Variants in INPP5D observed in about 807,000 individuals in gnomAD.
INPP5D encodes inositol polyphosphate-5-phosphatase D, also known as phosphatidylinositol 3,4,5-trisphosphate 5-phosphatase 1.
Under a neutral mutation model 122.9 loss-of-function variants are expected in INPP5D, and 33 were observed. The ratio of observed to expected loss-of-function variants is 0.27; its 90% confidence interval spans 0.20 to 0.36. The LOEUF (loss-of-function observed/expected upper bound fraction) is 0.36, where lower values mean the gene tolerates loss of function less well. INPP5D is among the 10% of genes least tolerant of loss of function. INPP5D has a pLI of 1.00. For missense variants in INPP5D, 1,053 were observed against 1,412.7 expected (o/e 0.75, Z 4.08); for synonymous variants, 584 against 576.2 (o/e 1.01, Z -0.19).
At chr2:233,155,253 T>C (rs1463413603) in intron 9 of INPP5D, among the ~76,000 whole-genome samples, 1 of 152,024 alleles carries the variant, frequency 6.6e-6, no homozygotes, top group East Asian at 1.9e-4. Context: ...AGATACAGTT[T>C]AGAAAAGCTC....
rs1313486596 is a variant in INPP5D, at chr2:233,195,467, C to G, written c.2665C>G (p.Pro889Ala). Residue 889 changes from proline (P) to alanine (A), a missense_variant, in exon 24 of 27, where the codon CCC becomes GCC. Pro to Ala is a conservative substitution (Grantham distance 27). Around this residue, in one of 6 missense-constraint regions of INPP5D, gnomAD observed 417 missense variants for 425.8 expected, o/e 0.98. Coordinates refer to ENST00000445964, the MANE Select transcript of INPP5D (RefSeq NM_001017915.3). ...KTLKSLTSHDPMKQWEVTSRA... is the reference protein window; with the variant it reads ...KTLKSLTSHDAMKQWEVTSRA... ...CCTGAAGAGCCTCACCAGCCACGACCCCATGAAGCAGTGGGAAGTCACTAG... is the reference window on the plus strand; with the variant it reads ...CCTGAAGAGCCTCACCAGCCACGACGCCATGAAGCAGTGGGAAGTCACTAG... 1.2e-6 allele frequency: 2 copies of G among 1,613,754 alleles called. No individual in the cohort carries two copies. The highest frequency in any genetic ancestry group is 2.2e-5 in the East Asian group (1 of 44,888).
intron 1 of INPP5D, among the ~76,000 whole-genome samples, chr2:233,064,668 T>A (rs1254538214): frequency 6.6e-6 from 1 of 152,182 alleles, no homozygotes; most frequent in Non-Finnish European, 1.5e-5. Context: ...GGGCCAGGAT[T>A]GCATGCATGA....
At position 233,078,080 on chromosome 2, in the gene INPP5D, G is replaced by A. The variant is rs1691573353; in HGVS notation, c.135-1255G>A. ...GCAAAATGGGGCAAGATTATGGTGG[G>A]TGAGAACAGACCAGCAGCTTTAAGT... On this transcript the variant is annotated intron_variant, in intron 1 of 26. Transcript: ENST00000445964. The surrounding 1 kb of genome is among the most constrained non-coding windows in gnomAD (Gnocchi z 4.6). 6.6e-6 allele frequency among the ~76,000 whole-genome samples: 1 copy of A among 152,134 alleles called. No homozygotes were observed. The highest frequency in any genetic ancestry group is 1.5e-5 in the Non-Finnish European group (1 of 68,020).
chr2:233,173,527 A>C (rs2106305364), intron 17 of INPP5D, among the ~76,000 whole-genome samples: 1 of 152,312 alleles, frequency 6.6e-6, no homozygotes, highest in East Asian at 1.9e-4. Context: ...AAATACAAAC[A>C]CATTGTACAG....
At chr2:233,190,021 C>A in intron 22 of INPP5D, 84 bp downstream of exon 22, 2 of 1,549,044 alleles carry the variant, frequency 1.3e-6, no homozygotes, top group Non-Finnish European at 8.7e-7. Flanking sequence ...GCTCACCTGG[C>A]ACTTCCGGTC....
chr2:233,190,037 C>T, intron 22 of INPP5D, 100 bp downstream of exon 22: 1 of 1,503,072 alleles, frequency 6.7e-7, no homozygotes, highest in Non-Finnish European at 8.9e-7. Flanking sequence ...CGGTCATAGG[C>T]TCCTGCCTCT....
At chr2:233,172,897 G>A (rs1694525966) in intron 17 of INPP5D, among the ~76,000 whole-genome samples, 1 of 152,156 alleles carries the variant, frequency 6.6e-6, no homozygotes, top group Non-Finnish European at 1.5e-5. Flanking sequence ...AAAAGGTACA[G>A]TAAAAATATG....
intron 2 of INPP5D, among the ~76,000 whole-genome samples, chr2:233,109,909 G>C (rs1422990713): frequency 1.3e-5 from 2 of 151,744 alleles, no homozygotes; most frequent in African/African-American, 4.8e-5. Flanking sequence ...TTTTGAGACA[G>C]GGTCTCATTC....
chr2:233,196,697 G>A (rs748203751), intron 24 of INPP5D, among the ~76,000 whole-genome samples: 5 of 152,152 alleles, frequency 3.3e-5, no homozygotes, highest in African/African-American at 4.8e-5. Context: ...CTAACTCACC[G>A]ATGTGGTCTC....
At chr2:233,171,183 C>CCTCCAT in intron 17 of INPP5D, 31 bp downstream of exon 17, 1 of 1,610,182 alleles carries the variant, frequency 6.2e-7, no homozygotes, top group South Asian at 1.1e-5. Flanking sequence ...CCTTCCCTGC[C>CCTCCAT]CTCCATCTCC....
At chr2:233,095,485 T>G (rs1692110608) in intron 2 of INPP5D, among the ~76,000 whole-genome samples, 1 of 151,440 alleles carries the variant, frequency 6.6e-6, no homozygotes, top group Non-Finnish European at 1.5e-5. Flanking sequence ...CTGGAGGGGG[T>G]GGTGGTGGGC....
intron 9 of INPP5D, among the ~76,000 whole-genome samples, chr2:233,156,439 G>A (rs567834780): frequency 1.2e-4 from 18 of 152,296 alleles, no homozygotes; most frequent in Admixed American, 9.1e-4. Flanking sequence ...ACAGGTGCCC[G>A]CCACCACGCC....
In INPP5D at chr2:233,177,144, A is replaced by G. The variant is rs963877818; in HGVS notation, c.1990-121A>G. On this transcript the variant is annotated intron_variant, in intron 17 of 26. Coordinates refer to ENST00000445964, the MANE Select transcript of INPP5D (RefSeq NM_001017915.3). This position sits in a 1 kb window ranked among gnomAD's most constrained non-coding sequence, Gnocchi z 4.2. ...TTAAAGCCACCTACAGGGAAATTCT[A>G]TAAAAAGCCAACAGCCGATGAATTT... The G allele has an allele frequency of 7.3e-6, 10 of 1,368,274 alleles. No homozygotes were observed. The African/African-American group carries it at 1.0e-4, about 14-fold the overall frequency. 84.8% of individuals were successfully genotyped at this position (1,368,274 alleles called of 1,614,324 possible). A position where few individuals can be genotyped will look rare whatever the true frequency, so the allele number is the denominator to read the frequency against.
Position 233,093,698 on chromosome 2 carries a change from AG to A in INPP5D, c.198+14301del, listed in dbSNP as rs1416034012. ...CACTGTCTCCAAAAAAAAAAAAAAA[AG>A]ACTTTATGTTAAGCTCATCAAGTGT... On this transcript the variant is annotated intron_variant, in intron 2 of 26. Coordinates refer to ENST00000445964, the MANE Select transcript of INPP5D (RefSeq NM_001017915.3). Among the ~76,000 whole-genome samples, 5 of 151,900 alleles carry A rather than the reference AG, an allele frequency of 3.3e-5. No individual in the cohort carries two copies. The East Asian group carries it at 9.7e-4, about 29-fold the overall frequency.
chr2:233,164,312 C>G lies in INPP5D; in HGVS notation c.1443C>G (p.Ala481=). 1 of 1,549,744 alleles carries G rather than the reference C, an allele frequency of 6.5e-7. No individual in the cohort carries two copies. The highest frequency in any genetic ancestry group is 8.7e-7 in the Non-Finnish European group (1 of 1,145,922). ...CAACGTTGTCCTCCCACCAGGTCGC[C>G]ATCCACACGCTCTGGAACATCCGCA... The part of the protein sequence containing the change: ...EITSVTFKTV[A]IHTLWNIRIV... The change falls in exon 13 of 27, where the codon GCC becomes GCG. Residue 481 remains alanine, a synonymous_variant. Transcript: ENST00000445964. This position sits in a 1 kb window ranked among gnomAD's most constrained non-coding sequence, Gnocchi z 4.3.
chr2:233,061,904 G>T (rs1314417793), intron 1 of INPP5D, among the ~76,000 whole-genome samples: 1 of 152,270 alleles, frequency 6.6e-6, no homozygotes, highest in Non-Finnish European at 1.5e-5. Context: ...AGTGTTTACA[G>T]GGTCAGCTGG....
chr2:233,133,389 A>G (rs1404423763), intron 5 of INPP5D, among the ~76,000 whole-genome samples: 1 of 152,156 alleles, frequency 6.6e-6, no homozygotes, highest in Admixed American at 6.5e-5. Flanking sequence ...TTAAGTACAA[A>G]GTACAAAGGT....
At chr2:233,149,100 CTTTTTTTTTTT>C (rs556971192) in intron 9 of INPP5D, among the ~76,000 whole-genome samples, 9 of 106,040 alleles carry the variant, frequency 8.5e-5, no homozygotes, top group Non-Finnish European at 1.4e-4. Flanking sequence ...TGATCAGCAC[CTTTTTTTTTTT>C]TTTTTTTTTT....
intron 6 of INPP5D, chr2:233,140,179 A>T (rs916955040): frequency 1.4e-5 from 4 of 279,504 alleles, no homozygotes; most frequent in African/African-American, 8.8e-5. Context: ...AGCAAAACTT[A>T]TTTGTGCCAA....
Sources: allele counts gnomAD v4.1 joint callset (sites outside exome capture counted in the v4.1 genomes callset), GRCh38; gene constraint gnomAD v4.1.1; regional missense constraint gnomAD v4.1.1; non-coding constraint Gnocchi (gnomAD v3.1); transcripts MANE v1.5; gene names NCBI Gene and HGNC (gene_info 2026-07-23, HGNC 2026-07-21).